Variants in TMCC1 observed in about 807,000 individuals in gnomAD.
The protein encoded by TMCC1 is transmembrane and coiled-coil domain family 1, also known as transmembrane and coiled-coil domains protein 1.
TMCC1 carries 15 observed loss-of-function variants against 52.4 expected under a neutral mutation model. The ratio of observed to expected loss-of-function variants is 0.29; its 90% CI spans 0.19 to 0.44. The LOEUF (loss-of-function observed/expected upper bound fraction) is 0.44. TMCC1 is among the 20% of genes least tolerant of loss of function. The probability of loss-of-function intolerance (pLI) is 1.00; values close to 1 mark genes in which losing one functional copy is unlikely to be tolerated. For missense variants in TMCC1, 503 were observed against 806.0 expected (o/e 0.62, Z 4.55); for synonymous variants, 279 against 301.9 (o/e 0.92, Z 0.79).
At chr3:129,654,705 T>C (rs537262671) in intron 6 of TMCC1, among the ~76,000 whole-genome samples, 2 of 152,268 alleles carry the variant, frequency 1.3e-5, no homozygotes, top group East Asian at 1.9e-4. Flanking sequence ...AATGGACAAA[T>C]AGGATTCATG....
chr3:129,694,747 G>A (rs904677038), intron 4 of TMCC1, among the ~76,000 whole-genome samples: 1 of 152,146 alleles, frequency 6.6e-6, no homozygotes, highest in African/African-American at 2.4e-5. Flanking sequence ...TCTACCCCTT[G>A]TTTAGCATAT....
At chr3:129,770,392 T>G (rs759574611) in intron 4 of TMCC1, among the ~76,000 whole-genome samples, 7 of 152,092 alleles carry the variant, frequency 4.6e-5, no homozygotes, top group Non-Finnish European at 8.8e-5. Context: ...GTTGCACACC[T>G]GTAGTCCCAG....
intron 1 of TMCC1, among the ~76,000 whole-genome samples, chr3:129,891,419 A>C (rs1291935681): frequency 6.6e-6 from 1 of 152,226 alleles, no homozygotes; most frequent in Non-Finnish European, 1.5e-5. Context: ...ATGAAATTCA[A>C]ATTTCAGTGT....
chr3:129,728,009 A>C (rs2050241889), intron 4 of TMCC1, among the ~76,000 whole-genome samples: 1 of 152,348 alleles, frequency 6.6e-6, no homozygotes, highest in Non-Finnish European at 1.5e-5. Flanking sequence ...CATGTGAGTG[A>C]GGCTATTTGG....
At chr3:129,747,436 T>C (rs1263097053) in intron 4 of TMCC1, among the ~76,000 whole-genome samples, 2 of 152,240 alleles carry the variant, frequency 1.3e-5, no homozygotes, top group African/African-American at 2.4e-5. Flanking sequence ...TTAAGCTATA[T>C]TGTTTCAAAA....
chr3:129,834,577 C>T (rs2059071059), intron 2 of TMCC1, among the ~76,000 whole-genome samples: 1 of 151,928 alleles, frequency 6.6e-6, no homozygotes, highest in Admixed American at 6.6e-5. Context: ...GGATATAAGA[C>T]ATGTTTTAGG....
At chr3:129,872,387 C>A (rs1173320132) in intron 2 of TMCC1, among the ~76,000 whole-genome samples, 1 of 152,166 alleles carries the variant, frequency 6.6e-6, no homozygotes, top group Non-Finnish European at 1.5e-5. Context: ...AATAGATATA[C>A]AAATTCTCAG....
intron 4 of TMCC1, among the ~76,000 whole-genome samples, chr3:129,699,125 C>G (rs1254445937): frequency 6.6e-6 from 1 of 151,978 alleles, no homozygotes; most frequent in Non-Finnish European, 1.5e-5. Context: ...TTTGGGAGGC[C>G]AAGGCAGAGT....
intron 2 of TMCC1, among the ~76,000 whole-genome samples, chr3:129,853,221 A>G (rs2059994905): frequency 6.6e-6 from 1 of 152,152 alleles, no homozygotes; most frequent in Non-Finnish European, 1.5e-5. Flanking sequence ...AAAAAACTGT[A>G]GTATACACTG....
At chr3:129,798,215 C>T (rs1048595155) in intron 4 of TMCC1, among the ~76,000 whole-genome samples, 11 of 151,774 alleles carry the variant, frequency 7.2e-5, no homozygotes, top group South Asian at 2.1e-4. Context: ...AGGCTGGTCT[C>T]GAACTCCTGA....
At chr3:129,688,133 A>G in intron 4 of TMCC1, 7 of 985,164 alleles carry the variant, frequency 7.1e-6, no homozygotes, top group Non-Finnish European at 8.4e-6. Context: ...GCTGATATAG[A>G]AAAGTCAAAA....
intron 2 of TMCC1, among the ~76,000 whole-genome samples, chr3:129,840,084 T>TC (rs1452895219): frequency 4.7e-5 from 7 of 148,864 alleles, no homozygotes; most frequent in Non-Finnish European, 1.0e-4. Context: ...TCCCAGCACT[T>TC]TGGGAGGCTG....
At chr3:129,665,588 TA>T (rs35864656) in intron 5 of TMCC1, among the ~76,000 whole-genome samples, 2 of 152,188 alleles carry the variant, frequency 1.3e-5, no homozygotes, top group Non-Finnish European at 2.9e-5. Context: ...CAACTTTTAG[TA>T]AACATTTACT....
At position 129,725,811 on chromosome 3, in the gene TMCC1, T is replaced by C. The variant is rs1350922920; in HGVS notation, c.577-54547A>G. Among the ~76,000 whole-genome samples the C allele has an allele frequency of 5.3e-5, 8 of 152,318 alleles. No individual in the cohort carries two copies. In the East Asian group the frequency reaches 1.5e-3, roughly 29 times the overall value. On this transcript the variant is annotated intron_variant, in intron 4 of 6. Transcript: ENST00000393238. The stretch of plus-strand genomic sequence containing the variant: ...AAAGAAACAACCGTACTAAATTTTT[T>C]AGTTCTGAGCTTCTTTCTTAGCAAT...
chr3:129,824,561 T>C (rs562478509), intron 4 of TMCC1, among the ~76,000 whole-genome samples: 65 of 152,306 alleles, frequency 4.3e-4, no homozygotes, highest in African/African-American at 1.5e-3. Flanking sequence ...AAACTCAGTA[T>C]TGGGGGAAAG....
intron 5 of TMCC1, among the ~76,000 whole-genome samples, chr3:129,657,882 C>A (rs1262131398): frequency 6.6e-6 from 1 of 152,182 alleles, no homozygotes; most frequent in Non-Finnish European, 1.5e-5. Context: ...CCTTATGACT[C>A]AGCAATTCTA....
At chr3:129,866,300 A>ATT (rs1177111765) in intron 2 of TMCC1, among the ~76,000 whole-genome samples, 1 of 123,296 alleles carries the variant, frequency 8.1e-6, no homozygotes, top group African/African-American at 3.2e-5. Flanking sequence ...CATAATATAT[A>ATT]ATATATACAT....
intron 6 of TMCC1, among the ~76,000 whole-genome samples, chr3:129,653,232 C>A (rs1171206789): frequency 1.3e-5 from 2 of 152,174 alleles, no homozygotes; most frequent in Non-Finnish European, 2.9e-5. Flanking sequence ...AGGTTGTTTT[C>A]AACTTTTCCA....
rs187998699 is a variant in TMCC1 at position 129,686,293 on chromosome 3, G to A, written c.577-15029C>T. Among the ~76,000 whole-genome samples the A allele has an allele frequency of 1.2e-3, 184 of 152,188 alleles. 1 individual carries two copies. The highest frequency in any genetic ancestry group is 4.4e-3 in the African/African-American group (181 of 41,528). On this transcript the variant is annotated intron_variant, in intron 4 of 6. Coordinates refer to ENST00000393238, the MANE Select transcript of TMCC1 (RefSeq NM_001017395.5). ...TATTTGCATTTTTTAGTAGAGATGG[G>A]GTTTCTCCATGTTGGTCAGGCTGGT...
Sources: allele counts gnomAD v4.1 joint callset (sites outside exome capture counted in the v4.1 genomes callset), GRCh38; gene constraint gnomAD v4.1.1; transcripts MANE v1.5; gene names NCBI Gene and HGNC (gene_info 2026-07-23, HGNC 2026-07-21).